The following SLC39A4 variants were observed in gnomAD, a reference collection of about 807,000 sequenced individuals.
SLC39A4 encodes solute carrier family 39 member 4.
SLC39A4 carries 49 observed loss-of-function variants against 56.6 expected under a neutral mutation model. The ratio of observed to expected loss-of-function variants is 0.87; its 90% CI spans 0.69 to 1.10. The LOEUF (loss-of-function observed/expected upper bound fraction) is 1.10, where lower values mean the gene tolerates loss of function less well. Among genes scored for constraint, SLC39A4 ranks in the 50% least tolerant of loss-of-function variants. The probability of loss-of-function intolerance (pLI) is 0.00; values close to 1 mark genes in which losing one functional copy is unlikely to be tolerated. For missense variants in SLC39A4, 993 were observed against 864.2 expected, an observed-to-expected ratio of 1.15 and a Z score of -1.87; for synonymous variants, 540 against 420.4, an observed-to-expected ratio of 1.28 and a Z score of -3.48.
In SLC39A4 at chr8:144,415,289, G is replaced by A. The variant is rs1443576089; in HGVS notation, c.605C>T (p.Pro202Leu). The A allele has an allele frequency of 6.2e-7, 1 of 1,613,130 alleles. No individual in the cohort carries two copies. Among genetic ancestry groups the A allele is most frequent in the Admixed American group, 1.7e-5 (1 of 59,994 alleles). The change falls in exon 3 of 12, where the codon CCT becomes CTT. Residue 202 changes from proline to leucine, a missense_variant. Coordinates refer to ENST00000301305, the MANE Select transcript of SLC39A4 (RefSeq NM_130849.4). ...GAACACAAAGTCCACGAAGTACTGA[G>A]GGCTCGGCAAGGCGTGGAAGCAAGA... ...SGSCFHALPS[P>L]QYFVDFVFQQ... is the part of the protein sequence containing the mutation.
chr8:144,415,452 G>A (rs1554873663), intron 2 of SLC39A4, 33 bp from the exon 3 acceptor site: 2 of 1,568,114 alleles, frequency 1.3e-6, no homozygotes, highest in Middle Eastern at 2.2e-4. Context: ...CTCAGCCTTT[G>A]GTGTGACCTT....
At position 144,416,086 on chromosome 8, in the gene SLC39A4, C is replaced by T. The variant is rs782680097; in HGVS notation, c.198G>A (p.Leu66=). ...HCANGPCGKC[L]SVEDALGLGE... ...CCAGGCCCAGGGCGTCCTCCACAGACAGGCACTGTGGGCAGAGACAAGTGA... is the reference window on the plus strand; with the variant it reads ...CCAGGCCCAGGGCGTCCTCCACAGATAGGCACTGTGGGCAGAGACAAGTGA... Residue 66 remains leucine, a synonymous_variant, in exon 2 of 12, where the codon CTG becomes CTA. Coordinates refer to ENST00000301305, the MANE Select transcript of SLC39A4 (RefSeq NM_130849.4). 4 of 1,599,576 alleles carry T rather than the reference C, an allele frequency of 2.5e-6. No individual in the cohort carries two copies. Among genetic ancestry groups the T allele is most frequent in the South Asian group, 2.2e-5 (2 of 89,370 alleles).
Position 144,412,920 on chromosome 8 carries a change from C to T in SLC39A4, c.1654G>A (p.Gly552Arg). 1 of 1,606,546 alleles carries T rather than the reference C, an allele frequency of 6.2e-7. No homozygotes were observed. The highest frequency in any genetic ancestry group is 8.5e-7 in the Non-Finnish European group (1 of 1,179,200). Reference protein sequence around the residue: ...LGDFAALLHAGLSVRQALLLN... With the variant: ...LGDFAALLHARLSVRQALLLN... ...AGCAGTGCTTGGCGCACGGACAGCC[C>T]CGCGTGCAGCAAGGCGGCGAAGTCC... The change falls in exon 11 of 12, where the codon GGG becomes AGG. Residue 552 changes from glycine to arginine, a missense_variant. Gly to Arg is a moderately radical substitution (Grantham distance 125). Transcript: ENST00000301305.
chr8:144,415,128 T>C lies in SLC39A4; in HGVS notation c.668-18A>G, dbSNP rs1554873465. ...TGACAGCTCTGGCAGGGAGAAGAGTTGGCACCGCGAGTCTGTGTGGGCTCC... is the reference window on the plus strand; with the variant it reads ...TGACAGCTCTGGCAGGGAGAAGAGTCGGCACCGCGAGTCTGTGTGGGCTCC... On this transcript the variant is annotated intron_variant, in intron 3 of 11. Coordinates refer to ENST00000301305, the MANE Select transcript of SLC39A4 (RefSeq NM_130849.4). The C allele has an allele frequency of 6.2e-7, 1 of 1,612,452 alleles. No individual in the cohort carries two copies. Among genetic ancestry groups the C allele is most frequent in the South Asian group, 1.1e-5 (1 of 91,088 alleles).
chr8:144,413,588 G>A (rs1554872478), intron 8 of SLC39A4, 21 bp from the exon 9 acceptor site: 2 of 1,549,990 alleles, frequency 1.3e-6, no homozygotes, highest in Non-Finnish European at 1.7e-6. Context: ...CCTTGAGTAA[G>A]TCCCGCCCGG....
rs556780206 is a variant in SLC39A4, at chr8:144,414,286, G to A, written c.1125C>T (p.Asp375=). Residue 375 remains aspartate (D), a synonymous_variant, in exon 6 of 12, where the codon GAC becomes GAT. Coordinates refer to ENST00000301305, the MANE Select transcript of SLC39A4 (RefSeq NM_130849.4). ...CCTTGGGCGTCAGATGCAGGACAGC[G>A]TCCCCAGTGACTGCACCCACTGCCA... The part of the protein sequence containing the change: ...LSLAVGAVTG[D]AVLHLTPKVL... 17 of 1,608,958 alleles carry A rather than the reference G, an allele frequency of 1.1e-5. No homozygotes were observed. Among genetic ancestry groups the A allele is most frequent in the Admixed American group, 5.1e-5 (3 of 59,168 alleles).
intron 1 of SLC39A4, 39 bp downstream of exon 1, chr8:144,416,559 G>A: frequency 1.9e-6 from 3 of 1,545,634 alleles, no homozygotes; most frequent in Non-Finnish European, 2.6e-6. Flanking sequence ...CTGGCGGGAA[G>A]AGGCCAGGGC....
chr8:144,415,987 G>A lies in SLC39A4; in HGVS notation c.297C>T (p.Ala99=), dbSNP rs369212608. The part of the protein sequence containing the change: ...EARYVARLSA[A]AVLYLSNPEG... ...CGGGGTTGCTGAGGTACAGGACGGC[G>A]GCGGCACTGAGGCGGGCGACGTACC... The change falls in exon 2 of 12, where the codon GCC becomes GCT. Residue 99 remains alanine (A), a synonymous_variant. Transcript: ENST00000301305. 1.6e-4 allele frequency: 254 copies of A among 1,591,146 alleles called. No individual in the cohort carries two copies. Among genetic ancestry groups the A allele is most frequent in the South Asian group, 2.0e-4 (18 of 88,684 alleles).
At chr8:144,414,676 A>T in intron 5 of SLC39A4, 49 bp downstream of exon 5, 1 of 1,603,258 alleles carries the variant, frequency 6.2e-7, no homozygotes, top group Non-Finnish European at 8.5e-7. Context: ...TCCTTCCTAC[A>T]CGGGCTCCAC....
intron 11 of SLC39A4, 27 bp downstream of exon 11, chr8:144,412,732 A>G (rs781863578): frequency 6.2e-7 from 1 of 1,613,308 alleles, no homozygotes; most frequent in South Asian, 1.1e-5. Context: ...CCCGGCCCAG[A>G]GCAGCCCCTC....
chr8:144,413,835 C>G lies in SLC39A4; in HGVS notation c.1334G>C (p.Gly445Ala), dbSNP rs782711781. The change falls in exon 8 of 12, where the codon GGC becomes GCC. Residue 445 changes from glycine (G) to alanine (A), a missense_variant. Physicochemically the swap from Gly to Ala is moderately conservative, Grantham distance 60. Transcript: ENST00000301305. ...CTGCAGGGACACACCGTGGCTGTGG[C>G]CCCCGTGGCTATGGCTGCTGTGGCC... ...PCGHSSHSHGGHSHGVSLQLA... is the reference protein window; with the variant it reads ...PCGHSSHSHGAHSHGVSLQLA... The G allele has an allele frequency of 6.3e-7, 1 of 1,592,932 alleles. No individual in the cohort carries two copies. The highest frequency in any genetic ancestry group is 1.7e-5 in the Admixed American group (1 of 57,938).
At position 144,415,385 on chromosome 8, in the gene SLC39A4, G is replaced by C; in HGVS notation, c.509C>G (p.Ala170Gly). 1 of 1,606,910 alleles carries C rather than the reference G, an allele frequency of 6.2e-7. No homozygotes were observed. Among genetic ancestry groups the C allele is most frequent in the Non-Finnish European group, 8.5e-7 (1 of 1,177,434 alleles). Residue 170 changes from alanine to glycine, a missense_variant, in exon 3 of 12, where the codon GCG becomes GGG. By Grantham distance (60) the Ala-to-Gly change is moderately conservative (BLOSUM62 0). Transcript: ENST00000301305. ...CVDIPQLLEE[A>G]VGAGAPGSAG... ...ACTGCCCGGAGCCCCCGCCCCCACC[G>C]CCTCCTCCAGCAGCTGAGGGATATC...
intron 2 of SLC39A4, 43 bp downstream of exon 2, chr8:144,415,767 C>A (rs1190580861): frequency 1.9e-6 from 3 of 1,561,878 alleles, no homozygotes; most frequent in East Asian, 2.3e-5. Flanking sequence ...GGCCGTGGGA[C>A]CCTCCTCACC....
rs782454483 is a variant in SLC39A4 at position 144,415,894 on chromosome 8, G to C, written c.390C>G (p.Leu130=). 2.5e-6 allele frequency: 4 copies of C among 1,595,458 alleles called. No individual in the cohort carries two copies. Among genetic ancestry groups the C allele is most frequent in the South Asian group, 1.1e-5 (1 of 89,204 alleles). ...ASHADHLLAL[L]ESPKALTPGL... is the part of the protein sequence containing the mutation. ...CCGGGGTCAGGGCCTTGGGGCTCTC[G>C]AGCAGGGCCAGGAGGTGGTCTGCAT... is the stretch of plus-strand genomic sequence containing the variant. The change falls in exon 2 of 12, where the codon CTC becomes CTG. Residue 130 remains leucine, a synonymous_variant. Coordinates refer to ENST00000301305, the MANE Select transcript of SLC39A4 (RefSeq NM_130849.4).
In SLC39A4 at chr8:144,412,806, G is replaced by A. The variant is rs782783048; in HGVS notation, c.1768C>T (p.Leu590=). The change falls in exon 11 of 12, where the codon CTG becomes TTG. Residue 590 remains leucine, a synonymous_variant. Transcript: ENST00000301305. ...AGGAACAGGCCGGTGGCCACTGCCA[G>A]GATCCAGGCCTCGCTCTCCTCGCTG... is the stretch of plus-strand genomic sequence containing the variant. ...GVSEESEAWI[L]AVATGLFLYV... The A allele has an allele frequency of 1.9e-6, 3 of 1,613,172 alleles. No homozygotes were observed. The highest frequency in any genetic ancestry group is 2.5e-6 in the Non-Finnish European group (3 of 1,179,948).
In SLC39A4 at chr8:144,412,421, A is replaced by G. The variant is rs969827098; in HGVS notation, c.*117T>C. On this transcript the variant is annotated 3_prime_UTR_variant, in exon 12 of 12. Transcript: ENST00000301305. ...AGGAGAGCACAGCCATGCTCCAAGG[A>G]CAAGAGTGTCTTTACTGGAGTTGGG... 1.8e-5 allele frequency: 28 copies of G among 1,548,838 alleles called. No homozygotes were observed. The highest frequency in any genetic ancestry group is 2.3e-5 in the Non-Finnish European group (26 of 1,125,228).
rs367660059 is a variant in SLC39A4, at chr8:144,414,071, C to G, written c.1174G>C (p.Glu392Gln). Residue 392 changes from glutamate (E) to glutamine (Q), a missense_variant, in exon 7 of 12, where the codon GAA becomes CAA. Transcript: ENST00000301305. ...PKVLGLHTHS[E>Q]EGLSPQPTWR... ...GTGGGCTGTGGGCTGAGGCCCTCTT[C>G]GCTGTGTGTATGCAGCCCCAGCACC... 29 of 1,562,664 alleles carry G rather than the reference C, an allele frequency of 1.9e-5. No individual in the cohort carries two copies. The highest frequency in any genetic ancestry group is 2.3e-5 in the Non-Finnish European group (27 of 1,153,692).
rs1554873559 is a variant in SLC39A4 at position 144,415,311 on chromosome 8, A to C, written c.583T>G (p.Cys195Gly). 1 of 1,613,026 alleles carries C rather than the reference A, an allele frequency of 6.2e-7. No individual in the cohort carries two copies. Among genetic ancestry groups the C allele is most frequent in the Non-Finnish European group, 8.5e-7 (1 of 1,179,818 alleles). The change falls in exon 3 of 12, where the codon TGC becomes GGC. Residue 195 changes from cysteine to glycine, a missense_variant. Coordinates refer to ENST00000301305, the MANE Select transcript of SLC39A4 (RefSeq NM_130849.4). ...TGAGGGCTCGGCAAGGCGTGGAAGC[A>C]AGACCCGCTCCTGACATGGTCCAGC... ...ALLDHVRSGS[C>G]FHALPSPQYF...
rs782789173 is a variant in SLC39A4 at position 144,415,870 on chromosome 8, C to T, written c.414G>A (p.Pro138=). Residue 138 remains proline, a synonymous_variant, in exon 2 of 12, where the codon CCG becomes CCA. Coordinates refer to ENST00000301305, the MANE Select transcript of SLC39A4 (RefSeq NM_130849.4). ...TCCTCTGCAGCAGCCAGCTCAGGCC[C>T]GGGGTCAGGGCCTTGGGGCTCTCGA... ...ALLESPKALT[P]GLSWLLQRMQ... 33 of 1,597,590 alleles carry T rather than the reference C, an allele frequency of 2.1e-5. No homozygotes were observed. Among genetic ancestry groups the T allele is most frequent in the African/African-American group, 1.1e-4 (8 of 74,764 alleles).
Sources: gnomAD v4.1 joint callset for allele counts on GRCh38, gnomAD v4.1.1 for gene constraint, MANE v1.5 for transcripts, NCBI Gene and HGNC (gene_info 2026-07-23, HGNC 2026-07-21) for gene names.